Variants in TOM1L1 observed in about 807,000 individuals in gnomAD.
TOM1L1 encodes TOM1-like protein 1.
Under a neutral mutation model 63.4 loss-of-function variants are expected in TOM1L1, and 64 were observed. The ratio of observed to expected loss-of-function variants is 1.01; its 90% CI spans 0.83 to 1.24. TOM1L1 has a LOEUF of 1.24. TOM1L1 is among the 50% of genes most tolerant of loss of function. TOM1L1 has a pLI of 0.00. For synonymous variants in TOM1L1, 166 were observed against 194.4 expected (o/e 0.85, Z 1.22); for missense variants, 536 against 567.0 (o/e 0.95, Z 0.55).
rs72142297 is a variant in TOM1L1, at chr17:54,929,741, G to GTGT, written c.721-331_721-330insGTT. On this transcript the variant is annotated intron_variant, in intron 7 of 15. Coordinates refer to ENST00000575882, the MANE Select transcript of TOM1L1 (RefSeq NM_005486.3). ...GAAAACTGAGATTTAAAAAACATGT[G>GTGT]TTTTTTTTTTTTTTTCCCCAACATG... is the stretch of plus-strand genomic sequence containing the variant. 1.1e-4 allele frequency among the ~76,000 whole-genome samples: 15 copies of GTGT among 142,034 alleles called. No individual in the cohort carries two copies. In the East Asian group the frequency reaches 2.5e-3, roughly 24 times the overall value. 93.2% of individuals were successfully genotyped at this position (142,034 alleles called of 152,430 possible). A position where few individuals can be genotyped will look rare whatever the true frequency, so the allele number is the denominator to read the frequency against.
Position 54,958,748 on chromosome 17 carries a change from A to AAAAAAAAAAAAAAAAG in TOM1L1, c.1371-1818_1371-1817insAAAAAAAAAAAAAAAG, listed in dbSNP as rs372776781. Among the ~76,000 whole-genome samples, 18 of 118,942 alleles carry AAAAAAAAAAAAAAAAG rather than the reference A, an allele frequency of 1.5e-4. 2 individuals are homozygous for AAAAAAAAAAAAAAAAG. The highest frequency in any genetic ancestry group is 1.9e-4 in the African/African-American group (6 of 32,198). The allele number at this position is 118,942 out of a possible 152,430, so 78.0% of individuals were successfully genotyped here. ...TCCATCTCAAAAAAAAAAAAAAAAA[A>AAAAAAAAAAAAAAAAG]GGGGTTGTTGGTAGCTAGAGGATAC... On this transcript the variant is annotated intron_variant, in intron 14 of 15. Coordinates refer to ENST00000575882, the MANE Select transcript of TOM1L1 (RefSeq NM_005486.3).
chr17:54,934,393 T>C (rs1317817705), intron 8 of TOM1L1, among the ~76,000 whole-genome samples: 2 of 152,222 alleles, frequency 1.3e-5, no homozygotes, highest in Admixed American at 1.3e-4. Flanking sequence ...CATTCTTTTT[T>C]CAACCTTTAA....
chr17:54,937,354 G>A (rs1221258364), intron 10 of TOM1L1, 128 bp downstream of exon 10: 1 of 768,426 alleles, frequency 1.3e-6, no homozygotes, highest in African/African-American at 1.7e-5. Context: ...CGCTATGTTA[G>A]GAGATGTGAT....
intron 14 of TOM1L1, chr17:54,956,991 GAAAGTAC>G (rs2049544423): frequency 1.3e-5 from 2 of 152,218 alleles, no homozygotes; most frequent in South Asian, 4.1e-4. Context: ...TGGTAATGAG[GAAAGTAC>G]ACTGGGATCC....
chr17:54,941,797 A>G (rs1161079304), intron 11 of TOM1L1, among the ~76,000 whole-genome samples: 1 of 152,234 alleles, frequency 6.6e-6, no homozygotes, highest in Admixed American at 6.5e-5. Context: ...TTCAGCAGCA[A>G]GAATCTTTAA....
chr17:54,925,583 A>G (rs2048754697), intron 7 of TOM1L1, among the ~76,000 whole-genome samples: 2 of 152,194 alleles, frequency 1.3e-5, no homozygotes, highest in South Asian at 4.1e-4. Flanking sequence ...ACCAGTGACC[A>G]CAGTCTTATA....
At chr17:54,960,170 C>G (rs2077079609) in intron 14 of TOM1L1, among the ~76,000 whole-genome samples, 1 of 152,018 alleles carries the variant, frequency 6.6e-6, no homozygotes, top group South Asian at 2.1e-4. Context: ...TGAAACCAGC[C>G]TGGCCAACAG....
chr17:54,937,450 C>T (rs145214690), intron 10 of TOM1L1: 12 of 515,010 alleles, frequency 2.3e-5, no homozygotes, highest in Non-Finnish European at 4.2e-5. Flanking sequence ...ATCCTACTCA[C>T]TTAGAATCTC....
intron 3 of TOM1L1, 35 bp from the exon 4 acceptor site, chr17:54,912,631 G>C (rs781361070): frequency 2.0e-6 from 3 of 1,467,260 alleles, no homozygotes; most frequent in Non-Finnish European, 2.7e-6. Context: ...GGTTTTGCCA[G>C]ATAAATATAA....
Position 54,915,761 on chromosome 17 carries a change from A to G in TOM1L1, c.619A>G (p.Ser207Gly). The change falls in exon 7 of 16, where the codon AGT becomes GGT. Residue 207 changes from serine (S) to glycine (G), a missense_variant. Transcript: ENST00000575882. ...CTCTCTACAGATTGGAAAACTGCAC[A>G]GTGAATTGGATATGGTGAAAATGAA... ...LVPEQIGKLHSELDMVKMNVR... is the reference protein window; with the variant it reads ...LVPEQIGKLHGELDMVKMNVR... 3 of 1,609,288 alleles carry G rather than the reference A, an allele frequency of 1.9e-6. No individual in the cohort carries two copies. Among genetic ancestry groups the G allele is most frequent in the Non-Finnish European group, 2.5e-6 (3 of 1,177,974 alleles).
chr17:54,927,911 C>A (rs1263194370), intron 7 of TOM1L1, among the ~76,000 whole-genome samples: 2 of 152,178 alleles, frequency 1.3e-5, no homozygotes, highest in Non-Finnish European at 2.9e-5. Context: ...CTTGAAAGGG[C>A]AAAGGGAGTG....
Position 54,961,677 on chromosome 17 carries a change from A to G in TOM1L1, c.*444A>G, listed in dbSNP as rs575437449. The G allele has an allele frequency of 9.5e-6, 10 of 1,053,436 alleles. No homozygotes were observed. The South Asian group carries it at 3.5e-4, about 37-fold the overall frequency. The allele number at this position is 1,053,436 out of a possible 1,614,324, so 65.3% of individuals were successfully genotyped here. Reference sequence around the variant, plus strand: ...GAATACTGAGTGCCTTCATTTAACTAAAGTTGAATGTAAAAGTCAATTTGC... The same window carrying G: ...GAATACTGAGTGCCTTCATTTAACTGAAGTTGAATGTAAAAGTCAATTTGC... On this transcript the variant is annotated 3_prime_UTR_variant, in exon 16 of 16. Coordinates refer to ENST00000575882, the MANE Select transcript of TOM1L1 (RefSeq NM_005486.3).
intron 6 of TOM1L1, 124 bp downstream of exon 6, chr17:54,914,867 G>C: frequency 1.3e-6 from 1 of 782,114 alleles, no homozygotes; most frequent in Non-Finnish European, 2.2e-6. Context: ...CAGAGGAAGA[G>C]ACTGAGGCTT....
intron 7 of TOM1L1, among the ~76,000 whole-genome samples, chr17:54,923,264 C>T (rs936979658): frequency 5.3e-5 from 8 of 152,074 alleles, no homozygotes; most frequent in African/African-American, 1.2e-4. Flanking sequence ...AGTAGAATTG[C>T]TGGGTCGTAT....
chr17:54,954,237 G>C (rs569371555), intron 14 of TOM1L1: 27 of 152,276 alleles, frequency 1.8e-4, no homozygotes, highest in African/African-American at 6.5e-4. Context: ...TGCACACCTG[G>C]CCAGGTAGGG....
intron 14 of TOM1L1, among the ~76,000 whole-genome samples, chr17:54,956,478 T>C (rs2049509223): frequency 6.6e-6 from 1 of 152,080 alleles, no homozygotes; most frequent in African/African-American, 2.4e-5. Context: ...GCTAATTTTT[T>C]TGTATATTTA....
At chr17:54,930,541 C>G (rs2048841713) in intron 8 of TOM1L1, among the ~76,000 whole-genome samples, 1 of 151,792 alleles carries the variant, frequency 6.6e-6, no homozygotes, top group African/African-American at 2.4e-5. Flanking sequence ...CCTGTCTCTA[C>G]AAAAAATAAA....
chr17:54,943,441 G>GGTGTGTGTGTGTGTGTGTGT (rs10694555), intron 11 of TOM1L1, among the ~76,000 whole-genome samples: 5 of 134,354 alleles, frequency 3.7e-5, no homozygotes, highest in African/African-American at 1.4e-4. Context: ...TTTGTATAAT[G>GGTGTGTGTGTGTGTGTGTGT]GTGTGTGTGT....
intron 7 of TOM1L1, among the ~76,000 whole-genome samples, chr17:54,920,379 C>A (rs1157628171): frequency 1.3e-5 from 2 of 152,034 alleles, no homozygotes; most frequent in Non-Finnish European, 2.9e-5. Context: ...TTTTTTTTAG[C>A]TTGCCAAAAT....
Sources: gnomAD v4.1 joint callset for allele counts (sites outside exome capture counted in the v4.1 genomes callset) on GRCh38, gnomAD v4.1.1 for gene constraint, MANE v1.5 for transcripts, NCBI Gene and HGNC (gene_info 2026-07-23, HGNC 2026-07-21) for gene names.